LPA: variants seen among roughly 807,000 people sequenced by gnomAD.
LPA encodes lipoprotein(a), also known as apolipoprotein(a).
LPA carries 199 observed loss-of-function variants against 197.9 expected under a neutral mutation model. That is an observed-to-expected ratio of 1.01 (90% confidence interval 0.90 to 1.13). The LOEUF (loss-of-function observed/expected upper bound fraction) is 1.13. LPA is among the 50% of genes most tolerant of loss of function. The probability of loss-of-function intolerance (pLI) is 0.00; values close to 1 mark genes in which losing one functional copy is unlikely to be tolerated. For synonymous variants in LPA, 715 were observed against 639.5 expected, an observed-to-expected ratio of 1.12 and a Z score of -1.78; for missense variants, 1,853 against 1,785.8, an observed-to-expected ratio of 1.04 and a Z score of -0.68.
intron 18 of LPA, among the ~76,000 whole-genome samples, chr6:160,601,365 A>G (rs1174961502): frequency 6.6e-6 from 1 of 152,208 alleles, no homozygotes; most frequent in Non-Finnish European, 1.5e-5. Flanking sequence ...ACATGTGGCC[A>G]AAAAGGGATC....
intron 21 of LPA, among the ~76,000 whole-genome samples, chr6:160,594,405 C>T (rs1317888969): frequency 2.0e-5 from 3 of 152,216 alleles, no homozygotes; most frequent in African/African-American, 4.8e-5. Flanking sequence ...ATATAGACAT[C>T]TTCTGGGTGT....
chr6:160,662,456 G>A (rs572268352), intron 1 of LPA, among the ~76,000 whole-genome samples: 1 of 152,308 alleles, frequency 6.6e-6, no homozygotes, highest in Admixed American at 6.5e-5. Context: ...ACATTGGAAA[G>A]ATAACACGTC....
intron 28 of LPA, among the ~76,000 whole-genome samples, chr6:160,576,491 T>G (rs1778681627): frequency 7.0e-6 from 1 of 142,832 alleles, no homozygotes; most frequent in Non-Finnish European, 1.5e-5. Flanking sequence ...TACCTGAATA[T>G]TTATATATAA....
At chr6:160,593,751 C>T (rs893366135) in intron 22 of LPA, among the ~76,000 whole-genome samples, 11 of 152,324 alleles carry the variant, frequency 7.2e-5, no homozygotes, top group Middle Eastern at 3.4e-3. Context: ...AAATATCCTC[C>T]TGCTTCTGTC....
rs973421862 is a variant in LPA, at chr6:160,599,521, G to A, written c.3266C>T (p.Thr1089Ile). 1 of 1,613,952 alleles carries A rather than the reference G, an allele frequency of 6.2e-7. No homozygotes were observed. The highest frequency in any genetic ancestry group is 8.5e-7 in the Non-Finnish European group (1 of 1,179,954). ...SSMTPHQHSR[T>I]PENYPNAGLT... ...GTACGCATTTGGGTAGTTTTCTGGGGTCCGACTATGCTGGTGTGGTGTCAT... is the reference window on the plus strand; with the variant it reads ...GTACGCATTTGGGTAGTTTTCTGGGATCCGACTATGCTGGTGTGGTGTCAT... The change falls in exon 20 of 39, where the codon ACC (threonine) becomes ATC (isoleucine). Residue 1089 changes from threonine to isoleucine, a missense_variant. Physicochemically the swap from Thr to Ile is moderately conservative, Grantham distance 89. Transcript: ENST00000316300.
intron 28 of LPA, among the ~76,000 whole-genome samples, chr6:160,572,214 A>T (rs1267749781): frequency 1.3e-5 from 2 of 152,106 alleles, no homozygotes; most frequent in Non-Finnish European, 2.9e-5. Context: ...CCCACTGTCT[A>T]ACCAGTCCCA....
chr6:160,608,672 G>T (rs145012266), intron 16 of LPA, among the ~76,000 whole-genome samples: 1 of 151,838 alleles, frequency 6.6e-6, no homozygotes, highest in Non-Finnish European at 1.5e-5. Flanking sequence ...AAAAGTTTTC[G>T]GCCATCCTTG....
intron 21 of LPA, 138 bp from the exon 22 acceptor site, chr6:160,594,255 A>T: frequency 1.0e-6 from 1 of 986,178 alleles, no homozygotes; most frequent in Non-Finnish European, 1.5e-6. Flanking sequence ...GCAGATGGAC[A>T]TACCAATAAT....
intron 2 of LPA, 111 bp downstream of exon 2, chr6:160,650,227 C>T (rs1779977875): frequency 2.0e-6 from 2 of 1,003,774 alleles, no homozygotes; most frequent in Non-Finnish European, 3.1e-6. Flanking sequence ...TTTTGCCATG[C>T]ATTCTATGTG....
chr6:160,586,347 C>T (rs1175287692), intron 25 of LPA, 102 bp downstream of exon 25: 38 of 1,379,802 alleles, frequency 2.8e-5, no homozygotes, highest in South Asian at 1.7e-4. Context: ...ACTTCACCTT[C>T]GACTTCCTGT....
chr6:160,602,692 T>C (rs2115056789), intron 18 of LPA, among the ~76,000 whole-genome samples: 1 of 152,354 alleles, frequency 6.6e-6, no homozygotes, highest in Admixed American at 6.5e-5. Flanking sequence ...ATTATTAGTT[T>C]TTGGTTTATT....
chr6:160,585,180 G>A lies in LPA; in HGVS notation c.4155C>T (p.Val1385=). 1 of 1,613,658 alleles carries A rather than the reference G, an allele frequency of 6.2e-7. No individual in the cohort carries two copies. Among genetic ancestry groups the A allele is most frequent in the Non-Finnish European group, 8.5e-7 (1 of 1,179,792 alleles). ...GTCCATCACCTCGGTAGCAGTCCTGGACCCCAGTGCTGTTTTCAGTTGGTG... is the reference window on the plus strand; with the variant it reads ...GTCCATCACCTCGGTAGCAGTCCTGAACCCCAGTGCTGTTTTCAGTTGGTG... ...EEAPTENSTG[V]QDCYRGDGQS... is the part of the protein sequence containing the mutation. Residue 1385 remains valine, a synonymous_variant, in exon 26 of 39, where the codon GTC becomes GTT. Transcript: ENST00000316300.
At chr6:160,586,066 G>C (rs1029739367) in intron 25 of LPA, among the ~76,000 whole-genome samples, 2 of 152,188 alleles carry the variant, frequency 1.3e-5, no homozygotes, top group Non-Finnish European at 2.9e-5. Flanking sequence ...AAATGGTAAA[G>C]CTGAAGACTG....
rs900007118 is a variant in LPA, at chr6:160,611,576, T to A, written c.2589A>T (p.Glu863Asp). Residue 863 changes from glutamate to aspartate, a missense_variant, in exon 16 of 39, where the codon GAA (glutamate) becomes GAT (aspartate). Physicochemically the swap from Glu to Asp is conservative, Grantham distance 45. This residue lies in a region of LPA where 1,737 missense variants were observed against 1,504.4 expected (regional missense o/e 1.15). Transcript: ENST00000316300. ...MTPHSHSRTPEYYPNAGLIMN... is the reference protein window; with the variant it reads ...MTPHSHSRTPDYYPNAGLIMN... ...CAAAGACATACGCATTTGGGTAGTATTCTGGGGTCCGACTATGCGAGTGTG... is the reference window on the plus strand; with the variant it reads ...CAAAGACATACGCATTTGGGTAGTAATCTGGGGTCCGACTATGCGAGTGTG... 1 of 1,605,958 alleles carries A rather than the reference T, an allele frequency of 6.2e-7. No homozygotes were observed. The highest frequency in any genetic ancestry group is 1.1e-5 in the South Asian group (1 of 90,940).
intron 20 of LPA, among the ~76,000 whole-genome samples, 177 bp downstream of exon 20, chr6:160,599,323 A>T (rs1301734027): frequency 6.6e-6 from 1 of 152,200 alleles, no homozygotes; most frequent in Non-Finnish European, 1.5e-5. Flanking sequence ...AGCCTGGGCA[A>T]CAAAGCAAGA....
At chr6:160,531,943 A>G in intron 38 of LPA, 53 bp from the exon 39 acceptor site, 3 of 1,586,692 alleles carry the variant, frequency 1.9e-6, no homozygotes, top group Non-Finnish European at 2.6e-6. Context: ...CAACCTTTTA[A>G]TATGGGATGC....
chr6:160,588,084 C>A (rs1778948751), intron 24 of LPA, among the ~76,000 whole-genome samples: 1 of 151,772 alleles, frequency 6.6e-6, no homozygotes, highest in African/African-American at 2.4e-5. Flanking sequence ...TCACCAATGT[C>A]ATCAATTCTA....
intron 26 of LPA, among the ~76,000 whole-genome samples, chr6:160,583,039 T>G (rs1422802753): frequency 6.6e-6 from 1 of 152,104 alleles, no homozygotes; most frequent in Non-Finnish European, 1.5e-5. Flanking sequence ...TTTGGTCCTT[T>G]TACAATTTTT....
intron 7 of LPA, among the ~76,000 whole-genome samples, chr6:160,634,739 G>A (rs1251888658): frequency 6.6e-6 from 1 of 151,876 alleles, no homozygotes; most frequent in Non-Finnish European, 1.5e-5. Context: ...AATCTGCAAT[G>A]CTGAAGATTG....
Sources: gnomAD v4.1 joint callset for allele counts (sites outside exome capture counted in the v4.1 genomes callset) on GRCh38, gnomAD v4.1.1 for gene constraint, gnomAD v4.1.1 regional missense constraint, MANE v1.5 for transcripts, NCBI Gene and HGNC (gene_info 2026-07-23, HGNC 2026-07-21) for gene names.